The following CPPED1 variants were observed in gnomAD, a reference collection of about 807,000 sequenced individuals.
The protein encoded by CPPED1 is serine/threonine-protein phosphatase CPPED1.
A neutral mutation model predicts 28.0 loss-of-function variants in CPPED1; 28 were observed. The ratio of observed to expected loss-of-function variants is 1.00; its 90% CI spans 0.74 to 1.37. The LOEUF (loss-of-function observed/expected upper bound fraction) is 1.37, where lower values mean the gene tolerates loss of function less well. Ranked by LOEUF, CPPED1 falls within the 40% of genes most tolerant of loss-of-function variation. The pLI is 0.00. For missense variants in CPPED1, 504 were observed against 416.5 expected, an observed-to-expected ratio of 1.21 and a Z score of -1.83; for synonymous variants, 198 against 180.2, an observed-to-expected ratio of 1.10 and a Z score of -0.79.
At chr16:12,672,437 T>A (rs982630881) in intron 3 of CPPED1, among the ~76,000 whole-genome samples, 33 of 152,222 alleles carry the variant, frequency 2.2e-4, no homozygotes, top group African/African-American at 4.8e-5. Context: ...GCGCATTTTT[T>A]AAAAAGAGGT....
At chr16:12,728,674 T>C (rs2080181958) in intron 2 of CPPED1, among the ~76,000 whole-genome samples, 1 of 152,216 alleles carries the variant, frequency 6.6e-6, no homozygotes, top group Non-Finnish European at 1.5e-5. Context: ...GATGCTACAT[T>C]CCTGGCTGAC....
chr16:12,733,488 T>C (rs2141206652), intron 2 of CPPED1, among the ~76,000 whole-genome samples: 1 of 152,310 alleles, frequency 6.6e-6, no homozygotes, highest in South Asian at 2.1e-4. Flanking sequence ...TTGGCCAGGC[T>C]GGTCTTGAAC....
chr16:12,684,595 T>G (rs1228528276), intron 3 of CPPED1, among the ~76,000 whole-genome samples: 1 of 152,182 alleles, frequency 6.6e-6, no homozygotes, highest in Non-Finnish European at 1.5e-5. Context: ...ACCCTGCTCA[T>G]TCGTTTCCTC....
At chr16:12,760,073 T>C (rs1027393956) in intron 2 of CPPED1, among the ~76,000 whole-genome samples, 4 of 152,208 alleles carry the variant, frequency 2.6e-5, no homozygotes, top group African/African-American at 7.2e-5. Flanking sequence ...ATTGAAAATA[T>C]TCAGAAAAAA....
At chr16:12,672,037 T>C (rs932831057) in intron 3 of CPPED1, among the ~76,000 whole-genome samples, 4 of 152,228 alleles carry the variant, frequency 2.6e-5, no homozygotes, top group African/African-American at 9.6e-5. Context: ...CCATGCTGCA[T>C]GGTTTGCAGT....
At chr16:12,800,807 G>C (rs552160957) in intron 1 of CPPED1, among the ~76,000 whole-genome samples, 1 of 152,088 alleles carries the variant, frequency 6.6e-6, no homozygotes, top group East Asian at 1.9e-4. Flanking sequence ...TCTCACACTT[G>C]CTCTGCCCAT....
chr16:12,696,105 A>G (rs1432873425), intron 3 of CPPED1, among the ~76,000 whole-genome samples: 6 of 152,138 alleles, frequency 3.9e-5, no homozygotes, highest in Non-Finnish European at 7.3e-5. Flanking sequence ...ATCTTCCCGC[A>G]TATCCCAGGA....
In CPPED1 at chr16:12,744,294, G is replaced by GCAAGCAAGCAAGCAAGCA. The variant is rs199563639; in HGVS notation, c.289+36890_289+36891insTGCTTGCTTGCTTGCTTG. On this transcript the variant is annotated intron_variant, in intron 2 of 3. Coordinates refer to ENST00000381774, the MANE Select transcript of CPPED1 (RefSeq NM_018340.3). ...AAAGAGAGAGAGAGAGAGAGAGAGA[G>GCAAGCAAGCAAGCAAGCA]AGAAAGCAAGCAAGCAAGCAAGCAA... Among the ~76,000 whole-genome samples, 100 of 76,418 alleles carry GCAAGCAAGCAAGCAAGCA rather than the reference G, an allele frequency of 1.3e-3. 1 individual carries two copies. Among genetic ancestry groups the GCAAGCAAGCAAGCAAGCA allele is most frequent in the Non-Finnish European group, 1.7e-3 (52 of 30,686 alleles). 50.1% of individuals were successfully genotyped at this position (76,418 alleles called of 152,430 possible).
chr16:12,696,154 G>C (rs984619470), intron 3 of CPPED1, among the ~76,000 whole-genome samples: 4 of 152,116 alleles, frequency 2.6e-5, no homozygotes, highest in African/African-American at 9.7e-5. Context: ...CCTATAGTTT[G>C]CATTTTGAAC....
At position 12,781,308 on chromosome 16, in the gene CPPED1, T is replaced by C; in HGVS notation, c.166A>G (p.Asn56Asp). 6.2e-7 allele frequency: 1 copy of C among 1,614,140 alleles called. No homozygotes were observed. The highest frequency in any genetic ancestry group is 8.5e-7 in the Non-Finnish European group (1 of 1,180,038). ...TCCTGTTCCCATTCGTCACCGCCAT[T>C]GTCACAGTCCCCAGTGGACCAGGCC... ...IKAWSTGDCD[N>D]GGDEWEQEIR... is the part of the protein sequence containing the mutation. Residue 56 changes from asparagine (N) to aspartate (D), a missense_variant, in exon 2 of 4, where the codon AAT becomes GAT. Asn to Asp is a conservative substitution (Grantham distance 23). Coordinates refer to ENST00000381774, the MANE Select transcript of CPPED1 (RefSeq NM_018340.3).
intron 1 of CPPED1, among the ~76,000 whole-genome samples, chr16:12,802,308 A>ACAGT (rs1491283568): frequency 6.6e-6 from 1 of 152,216 alleles, no homozygotes; most frequent in African/African-American, 2.4e-5. Flanking sequence ...CCATTAAAAT[A>ACAGT]CAGTCGTCCC....
At chr16:12,789,097 T>A (rs927727940) in intron 1 of CPPED1, among the ~76,000 whole-genome samples, 1 of 152,220 alleles carries the variant, frequency 6.6e-6, no homozygotes, top group Admixed American at 6.5e-5. Flanking sequence ...TAAATATACC[T>A]GGCTTTCTGG....
At chr16:12,675,529 T>C (rs1012869156) in intron 3 of CPPED1, among the ~76,000 whole-genome samples, 2 of 152,250 alleles carry the variant, frequency 1.3e-5, no homozygotes, top group African/African-American at 4.8e-5. Context: ...ACAGTCACTG[T>C]ATAATGTAAT....
At chr16:12,773,444 C>T (rs567339999) in intron 2 of CPPED1, among the ~76,000 whole-genome samples, 26 of 152,302 alleles carry the variant, frequency 1.7e-4, no homozygotes, top group African/African-American at 5.8e-4. Flanking sequence ...GGCCCCGACT[C>T]GGCGTGGTGG....
At chr16:12,742,858 C>A (rs1438261309) in intron 2 of CPPED1, among the ~76,000 whole-genome samples, 1 of 152,146 alleles carries the variant, frequency 6.6e-6, no homozygotes, top group African/African-American at 2.4e-5. Flanking sequence ...GGACAAAAAA[C>A]GAGATCAGCA....
chr16:12,706,996 T>C (rs115781965), intron 2 of CPPED1, among the ~76,000 whole-genome samples: 1,984 of 152,258 alleles, frequency 0.013, 44 homozygotes, highest in African/African-American at 0.045. Flanking sequence ...TCACCTACCG[T>C]CTGCATCGAA....
chr16:12,740,575 G>A (rs1054053757), intron 2 of CPPED1, among the ~76,000 whole-genome samples: 3 of 152,096 alleles, frequency 2.0e-5, no homozygotes, highest in Non-Finnish European at 4.4e-5. Context: ...GAGGACAATA[G>A]AAGGGCCTCA....
intron 2 of CPPED1, among the ~76,000 whole-genome samples, chr16:12,713,134 A>G (rs1393112583): frequency 6.6e-6 from 1 of 152,128 alleles, no homozygotes; most frequent in Non-Finnish European, 1.5e-5. Flanking sequence ...GGTAAATTCA[A>G]TTTAAAAAAA....
chr16:12,709,202 G>C lies in CPPED1; in HGVS notation c.290-4153C>G, dbSNP rs752744046. Among the ~76,000 whole-genome samples, 5 of 152,152 alleles carry C rather than the reference G, an allele frequency of 3.3e-5. No individual in the cohort carries two copies. The highest frequency in any genetic ancestry group is 6.6e-5 in the Admixed American group (1 of 15,260). ...TTCAATGAGTTTCCTGTCTCACGCA[G>C]GGTTCTATGTTCACAAAAAGAATGT... On this transcript the variant is annotated intron_variant, in intron 2 of 3. Transcript: ENST00000381774. The surrounding 1 kb of genome is among the most constrained non-coding windows in gnomAD (Gnocchi z 4.4).
Sources: allele counts gnomAD v4.1 joint callset (sites outside exome capture counted in the v4.1 genomes callset), GRCh38; gene constraint gnomAD v4.1.1; non-coding constraint Gnocchi (gnomAD v3.1); transcripts MANE v1.5; gene names NCBI Gene and HGNC (gene_info 2026-07-23, HGNC 2026-07-21).